The following DGKB variants were observed in gnomAD, a reference collection of about 807,000 sequenced individuals.
The protein encoded by DGKB is diacylglycerol kinase beta.
Under a neutral mutation model 114.3 loss-of-function variants are expected in DGKB, and 67 were observed. The observed-to-expected ratio is 0.59, with a 90% confidence interval of 0.48 to 0.72. The LOEUF (loss-of-function observed/expected upper bound fraction) is 0.72. Ranked by LOEUF, DGKB falls within the 30% of genes least tolerant of loss-of-function variation. The pLI, the probability that DGKB is intolerant of heterozygous loss-of-function variation, is 0.00. For missense variants in DGKB, 907 were observed against 975.2 expected, an observed-to-expected ratio of 0.93 and a Z score of 0.93; for synonymous variants, 398 against 323.1, an observed-to-expected ratio of 1.23 and a Z score of -2.49.
chr7:14,353,358 T>C (rs1294981224), intron 21 of DGKB, among the ~76,000 whole-genome samples: 1 of 152,160 alleles, frequency 6.6e-6, no homozygotes, highest in Non-Finnish European at 1.5e-5. Context: ...GAGGGAAGTA[T>C]ACCGTGGGCA....
intron 2 of DGKB, among the ~76,000 whole-genome samples, chr7:14,775,102 C>T (rs1837958589): frequency 6.6e-6 from 1 of 151,854 alleles, no homozygotes; most frequent in South Asian, 2.1e-4. Context: ...AATTCGTGAG[C>T]ATAAATACAT....
intron 6 of DGKB, among the ~76,000 whole-genome samples, chr7:14,711,229 C>T (rs980993273): frequency 6.6e-6 from 1 of 151,894 alleles, no homozygotes; most frequent in Non-Finnish European, 1.5e-5. Flanking sequence ...TCTAATTCAT[C>T]AAGGAAGAAA....
At chr7:14,361,249 A>G (rs1168310386) in intron 21 of DGKB, among the ~76,000 whole-genome samples, 1 of 152,104 alleles carries the variant, frequency 6.6e-6, no homozygotes, top group African/African-American at 2.4e-5. Flanking sequence ...TAGAAACAGA[A>G]AAAACAGAAC....
intron 21 of DGKB, among the ~76,000 whole-genome samples, chr7:14,431,924 T>C (rs1828510091): frequency 6.6e-6 from 1 of 152,146 alleles, no homozygotes; most frequent in Non-Finnish European, 1.5e-5. Context: ...TTCACATCTA[T>C]GTTTACATAT....
At chr7:14,170,827 A>G (rs5006985) in intron 25 of DGKB, among the ~76,000 whole-genome samples, 16,409 of 152,236 alleles carry the variant, frequency 0.11, 2,446 homozygotes, top group African/African-American at 0.34. Flanking sequence ...TAACTGCAGT[A>G]GCTAGAGCAA....
intron 21 of DGKB, among the ~76,000 whole-genome samples, chr7:14,461,079 T>C (rs1285423700): frequency 6.6e-6 from 1 of 152,158 alleles, no homozygotes; most frequent in Non-Finnish European, 1.5e-5. Context: ...TGTACCAGAA[T>C]TTCTGGGACT....
At chr7:14,911,665 C>A (rs1383958118) in intron 1 of DGKB, among the ~76,000 whole-genome samples, 1 of 152,054 alleles carries the variant, frequency 6.6e-6, no homozygotes, top group Non-Finnish European at 1.5e-5. Flanking sequence ...TCTATATCAC[C>A]TGAGAAAGAT....
chr7:14,234,212 C>T (rs894320659), intron 23 of DGKB, among the ~76,000 whole-genome samples: 5 of 151,970 alleles, frequency 3.3e-5, no homozygotes, highest in African/African-American at 9.7e-5. Flanking sequence ...TCCTCTCCTC[C>T]GTCTCACAAA....
chr7:14,454,287 T>G (rs1022054794), intron 21 of DGKB, among the ~76,000 whole-genome samples: 6 of 152,158 alleles, frequency 3.9e-5, no homozygotes, highest in Middle Eastern at 3.2e-3. Flanking sequence ...ACTTCTAATT[T>G]GAAAATACTT....
Position 14,492,665 on chromosome 7 carries a change from G to A in DGKB, c.1771-14440C>T, listed in dbSNP as rs138969198. ...GGGTTTCTACAGTTCTAGACCTGAT[G>A]TATTTCTAGGTCTGACCTTTATGCC... On this transcript the variant is annotated intron_variant, in intron 20 of 25. Transcript: ENST00000402815. Among the ~76,000 whole-genome samples, 164 of 152,108 alleles carry A rather than the reference G, an allele frequency of 1.1e-3. 3 individuals are homozygous for A. In the East Asian group the frequency reaches 0.031, roughly 29 times the overall value.
intron 2 of DGKB, among the ~76,000 whole-genome samples, chr7:14,775,265 T>G (rs1837982093): frequency 6.6e-6 from 1 of 151,988 alleles, no homozygotes; most frequent in Non-Finnish European, 1.5e-5. Context: ...GGTAATTCTT[T>G]TATAGCTGTA....
intron 1 of DGKB, among the ~76,000 whole-genome samples, chr7:14,939,306 A>G (rs1179372445): frequency 6.6e-6 from 1 of 152,162 alleles, no homozygotes; most frequent in Admixed American, 6.5e-5. Context: ...CAAGCCTACA[A>G]TAGATGTTCA....
At position 14,523,070 on chromosome 7, in the gene DGKB, G is replaced by A. The variant is rs182429585; in HGVS notation, c.1771-44845C>T. Among the ~76,000 whole-genome samples the A allele has an allele frequency of 1.2e-4, 18 of 152,106 alleles. No individual in the cohort carries two copies. The East Asian group carries it at 3.1e-3, about 26-fold the overall frequency. On this transcript the variant is annotated intron_variant, in intron 20 of 25. Transcript: ENST00000402815. ...GTATACTTCACAGTTCATAGCTGTTGGTTATAAAATAAAAGGTAAATATTA... is the reference window on the plus strand; with the variant it reads ...GTATACTTCACAGTTCATAGCTGTTAGTTATAAAATAAAAGGTAAATATTA...
At chr7:14,401,696 T>A (rs556369344) in intron 21 of DGKB, among the ~76,000 whole-genome samples, 1 of 151,792 alleles carries the variant, frequency 6.6e-6, no homozygotes, top group African/African-American at 2.4e-5. Context: ...AGTTTTTAAA[T>A]GTTTCAAATA....
At chr7:14,859,213 A>C (rs1850619770) in intron 1 of DGKB, among the ~76,000 whole-genome samples, 1 of 152,100 alleles carries the variant, frequency 6.6e-6, no homozygotes, top group Admixed American at 6.6e-5. Flanking sequence ...TGTTGGAAAT[A>C]GAAACTGAGG....
intron 1 of DGKB, among the ~76,000 whole-genome samples, chr7:14,966,111 G>T (rs1351836958): frequency 6.6e-6 from 1 of 151,776 alleles, no homozygotes. Flanking sequence ...CTTAATATTG[G>T]TTGAAGTTTT....
intron 25 of DGKB, among the ~76,000 whole-genome samples, chr7:14,152,374 A>T (rs899557770): frequency 6.6e-6 from 1 of 152,028 alleles, no homozygotes; most frequent in African/African-American, 2.4e-5. Flanking sequence ...TGACATTATT[A>T]TTTGAAAGAG....
intron 1 of DGKB, among the ~76,000 whole-genome samples, chr7:14,957,136 G>GT (rs1025415905): frequency 5.3e-5 from 8 of 151,600 alleles, no homozygotes; most frequent in Admixed American, 2.0e-4. Context: ...GAATATCCCA[G>GT]TTTTTTTAAA....
intron 23 of DGKB, among the ~76,000 whole-genome samples, chr7:14,321,433 G>T (rs868217207): frequency 1.3e-4 from 19 of 151,930 alleles, no homozygotes; most frequent in African/African-American, 4.6e-4. Context: ...AAATAAAGAA[G>T]AAATCTTTAA....
Sources: gnomAD v4.1 joint callset for allele counts (sites outside exome capture counted in the v4.1 genomes callset) on GRCh38, gnomAD v4.1.1 for gene constraint, MANE v1.5 for transcripts, NCBI Gene and HGNC (gene_info 2026-07-23, HGNC 2026-07-21) for gene names.